NCAM2: variants seen among roughly 807,000 people sequenced by gnomAD.
NCAM2 encodes the protein neural cell adhesion molecule 2, also known as N-CAM-2.
A neutral mutation model predicts 98.1 loss-of-function variants in NCAM2; 30 were observed. The observed-to-expected ratio is 0.31, with a 90% confidence interval of 0.23 to 0.41. NCAM2 has a LOEUF of 0.41. Ranked by LOEUF, NCAM2 falls within the 10% of genes least tolerant of loss-of-function variation. NCAM2 has a pLI of 1.00. For synonymous variants in NCAM2, 368 were observed against 342.4 expected (o/e 1.07, Z -0.83); for missense variants, 867 against 1,005.8 (o/e 0.86, Z 1.87).
intron 8 of NCAM2, among the ~76,000 whole-genome samples, chr21:21,373,357 T>C (rs976769417): frequency 6.6e-6 from 1 of 151,850 alleles, no homozygotes; most frequent in Non-Finnish European, 1.5e-5. Flanking sequence ...TTTAATACAA[T>C]ATGAAATTTT....
intron 5 of NCAM2, among the ~76,000 whole-genome samples, chr21:21,317,677 C>G (rs562314955): frequency 8.7e-4 from 133 of 152,078 alleles, no homozygotes; most frequent in African/African-American, 3.1e-3. Context: ...GGAGTACAGG[C>G]ACACACCATC....
chr21:21,137,219 A>C (rs1244870356), intron 1 of NCAM2, among the ~76,000 whole-genome samples: 1 of 152,246 alleles, frequency 6.6e-6, no homozygotes, highest in Non-Finnish European at 1.5e-5. Context: ...AAAATTAAAA[A>C]TTAGAAAAAT....
intron 1 of NCAM2, among the ~76,000 whole-genome samples, chr21:21,145,258 A>G (rs1730167367): frequency 6.6e-6 from 1 of 152,214 alleles, no homozygotes; most frequent in Non-Finnish European, 1.5e-5. Context: ...TTCATTCACT[A>G]TAACAAGAAA....
rs144994729 is a variant in NCAM2 at position 21,065,214 on chromosome 21, A to C, written c.55+66596A>C. ...AAAAAACAAAAAACAAAAAAACAAA[A>C]CAAAACAAAAAAAACTTACTTCCAA... On this transcript the variant is annotated intron_variant, in intron 1 of 17. Transcript: ENST00000400546. Among the ~76,000 whole-genome samples, 551 of 152,032 alleles carry C rather than the reference A, an allele frequency of 3.6e-3. 3 individuals carry two copies. Among genetic ancestry groups the C allele is most frequent in the African/African-American group, 0.013 (532 of 41,490 alleles).
At position 21,529,878 on chromosome 21, in the gene NCAM2, G is replaced by C. The variant is rs552833603; in HGVS notation, c.2283-4659G>C. ...TATATTTAATAATATCACCTTTTAT[G>C]ATAGACTGGATGACATTTGACAGGG... On this transcript the variant is annotated intron_variant, in intron 16 of 17. Transcript: ENST00000400546. 2.7e-5 allele frequency among the ~76,000 whole-genome samples: 4 copies of C among 150,906 alleles called. No individual in the cohort carries two copies. The South Asian group carries it at 6.2e-4, about 24-fold the overall frequency.
intron 5 of NCAM2, among the ~76,000 whole-genome samples, chr21:21,299,969 TAC>T: frequency 6.6e-6 from 1 of 152,032 alleles, no homozygotes; most frequent in Non-Finnish European, 1.5e-5. Context: ...TTAGTTATAA[TAC>T]TTAATACATT....
At chr21:21,189,626 A>G (rs1260109814) in intron 1 of NCAM2, among the ~76,000 whole-genome samples, 1 of 152,220 alleles carries the variant, frequency 6.6e-6, no homozygotes, top group Non-Finnish European at 1.5e-5. Context: ...AAAGTACCAT[A>G]ATTGAAAGTT....
At chr21:21,356,780 C>G (rs980741268) in intron 8 of NCAM2, among the ~76,000 whole-genome samples, 3 of 152,014 alleles carry the variant, frequency 2.0e-5, no homozygotes, top group Non-Finnish European at 4.4e-5. Flanking sequence ...CATCTGAGGT[C>G]GGGAGTTCGA....
intron 9 of NCAM2, among the ~76,000 whole-genome samples, chr21:21,400,624 C>A (rs146397035): frequency 5.2e-4 from 76 of 144,912 alleles, no homozygotes; most frequent in African/African-American, 1.9e-3. Flanking sequence ...GAGATGGAGT[C>A]GCCCAGGCTG....
chr21:21,464,453 A>G (rs1371277755), intron 12 of NCAM2, among the ~76,000 whole-genome samples: 2 of 152,096 alleles, frequency 1.3e-5, no homozygotes, highest in Non-Finnish European at 2.9e-5. Context: ...TTAATTAATA[A>G]AATATTGTGA....
At chr21:21,387,010 G>A (rs77442211) in intron 9 of NCAM2, among the ~76,000 whole-genome samples, 3,090 of 152,156 alleles carry the variant, frequency 0.02, 96 homozygotes, top group African/African-American at 0.071. Flanking sequence ...GAATATCTTA[G>A]TTCAAGCTGC....
Position 21,422,045 on chromosome 21 carries a change from A to G in NCAM2, c.1480+3476A>G, listed in dbSNP as rs966025. ...GTGAAGCACAGAAGCCTGGCATGGGATGTGAAAGCCTGAGCAGAGTGAATG... is the reference window on the plus strand; with the variant it reads ...GTGAAGCACAGAAGCCTGGCATGGGGTGTGAAAGCCTGAGCAGAGTGAATG... On this transcript the variant is annotated intron_variant, in intron 11 of 17. Coordinates refer to ENST00000400546, the MANE Select transcript of NCAM2 (RefSeq NM_004540.5). Among the ~76,000 whole-genome samples, 1,118 of 152,078 alleles carry G rather than the reference A, an allele frequency of 7.4e-3. 15 individuals carry two copies. The highest frequency in any genetic ancestry group is 0.025 in the African/African-American group (1,038 of 41,446).
chr21:21,032,136 T>C (rs2064698055), intron 1 of NCAM2, among the ~76,000 whole-genome samples: 1 of 152,136 alleles, frequency 6.6e-6, no homozygotes, highest in African/African-American at 2.4e-5. Context: ...TTGAGCCTTT[T>C]TAATTAGTTA....
chr21:21,027,047 G>A (rs990190052), intron 1 of NCAM2, among the ~76,000 whole-genome samples: 4 of 151,736 alleles, frequency 2.6e-5, no homozygotes, highest in Non-Finnish European at 5.9e-5. Context: ...TAGTAGAGAC[G>A]TGGTGTCACC....
intron 12 of NCAM2, among the ~76,000 whole-genome samples, chr21:21,436,956 G>A (rs544282953): frequency 3.3e-5 from 5 of 151,106 alleles, no homozygotes; most frequent in African/African-American, 1.2e-4. Context: ...GTATTTTTTA[G>A]TAAAAATGTG....
intron 1 of NCAM2, among the ~76,000 whole-genome samples, chr21:21,185,399 C>A (rs2146935254): frequency 6.6e-6 from 1 of 152,214 alleles, no homozygotes; most frequent in Middle Eastern, 3.4e-3. Flanking sequence ...TCATCTTTAG[C>A]TAACTTTCTT....
At chr21:21,160,586 A>C (rs181695549) in intron 1 of NCAM2, among the ~76,000 whole-genome samples, 21 of 152,146 alleles carry the variant, frequency 1.4e-4, no homozygotes, top group African/African-American at 5.1e-4. Flanking sequence ...ACTATACTGC[A>C]GTCTCATATC....
intron 15 of NCAM2, among the ~76,000 whole-genome samples, chr21:21,480,252 A>AGCTACTCGGGAGGCTGAGGCAGGAGAATG (rs1985727920): frequency 6.6e-6 from 1 of 151,510 alleles, no homozygotes; most frequent in Non-Finnish European, 1.5e-5. Context: ...CTGTTGTCCC[A>AGCTACTCGGGAGGCTGAGGCAGGAGAATG]GCTACTCGGG....
intron 1 of NCAM2, among the ~76,000 whole-genome samples, chr21:21,029,757 A>T (rs1172176482): frequency 6.6e-6 from 1 of 151,824 alleles, no homozygotes; most frequent in African/African-American, 2.4e-5. Flanking sequence ...TAGCCTCCCG[A>T]GTAGCTGGGG....
Sources: allele counts gnomAD v4.1 joint callset (sites outside exome capture counted in the v4.1 genomes callset), GRCh38; gene constraint gnomAD v4.1.1; transcripts MANE v1.5; gene names NCBI Gene and HGNC (gene_info 2026-07-23, HGNC 2026-07-21).